The following SND1 variants were observed in gnomAD, a reference collection of about 807,000 sequenced individuals.
SND1 encodes staphylococcal nuclease domain-containing protein 1.
In SND1, 38 loss-of-function variants were observed where a neutral mutation model predicts 121.7. The observed-to-expected ratio is 0.31, with a 90% CI of 0.24 to 0.41. The LOEUF (loss-of-function observed/expected upper bound fraction) is 0.41, where lower values mean the gene tolerates loss of function less well. Among genes scored for constraint, SND1 ranks in the 10% least tolerant of loss-of-function variants. SND1 has a pLI of 1.00. For missense variants in SND1, 868 were observed against 1,184.6 expected (o/e 0.73, Z 3.92); for synonymous variants, 401 against 447.4 (o/e 0.90, Z 1.31).
At chr7:127,844,869 G>C (rs748051194) in intron 12 of SND1, among the ~76,000 whole-genome samples, 7 of 152,160 alleles carry the variant, frequency 4.6e-5, no homozygotes, top group Non-Finnish European at 7.3e-5. Context: ...CTATTCTGCT[G>C]TACTGGCTGT....
chr7:127,759,027 C>T (rs1232818822), intron 10 of SND1, among the ~76,000 whole-genome samples: 1 of 151,146 alleles, frequency 6.6e-6, no homozygotes, highest in African/African-American at 2.4e-5. Context: ...GCACTCTGGC[C>T]TGGGCGACAT....
chr7:127,973,509 C>T (rs911298437), intron 15 of SND1, among the ~76,000 whole-genome samples: 3 of 152,134 alleles, frequency 2.0e-5, no homozygotes, highest in Non-Finnish European at 4.4e-5. Context: ...GCAAACAAAG[C>T]AGCCAAGCCA....
chr7:127,775,163 G>A (rs1251365205), intron 10 of SND1, among the ~76,000 whole-genome samples: 2 of 152,182 alleles, frequency 1.3e-5, no homozygotes, highest in East Asian at 1.9e-4. Flanking sequence ...AACAAGGACC[G>A]GAAGCTCGGA....
intron 16 of SND1, among the ~76,000 whole-genome samples, chr7:128,059,974 G>A (rs543436992): frequency 6.6e-6 from 1 of 152,344 alleles, no homozygotes; most frequent in African/African-American, 2.4e-5. Context: ...AGAGGTAATG[G>A]ATTACCAAGA....
chr7:127,689,407 A>C (rs2116313213), intron 2 of SND1, among the ~76,000 whole-genome samples: 1 of 152,354 alleles, frequency 6.6e-6, no homozygotes, highest in East Asian at 1.9e-4. Flanking sequence ...CTTGGAGCTG[A>C]CCAAGTTCAT....
chr7:128,000,032 T>C (rs1802783730), intron 16 of SND1: 1 of 139,236 alleles, frequency 7.2e-6, no homozygotes, highest in African/African-American at 2.8e-5. Flanking sequence ...ACCTCTGTAA[T>C]CATCCTGAAT....
At chr7:127,930,249 G>T (rs1299378487) in intron 15 of SND1, among the ~76,000 whole-genome samples, 1 of 151,832 alleles carries the variant, frequency 6.6e-6, no homozygotes, top group Non-Finnish European at 1.5e-5. Flanking sequence ...CTAGTGTCCT[G>T]TTGTCTCAGC....
intron 10 of SND1, among the ~76,000 whole-genome samples, chr7:127,736,234 CTT>C (rs1336789768): frequency 6.6e-6 from 1 of 152,174 alleles, no homozygotes; most frequent in Non-Finnish European, 1.5e-5. Flanking sequence ...GACATAATCA[CTT>C]TATAAATTTG....
In SND1 at chr7:128,052,993, TAA is replaced by T. The variant is rs1269404775; in HGVS notation, c.1780-21507_1780-21506del. On this transcript the variant is annotated intron_variant, in intron 16 of 23. Coordinates refer to ENST00000354725, the MANE Select transcript of SND1 (RefSeq NM_014390.4). This position sits in a 1 kb window ranked among gnomAD's most constrained non-coding sequence, Gnocchi z 4.6. ...AACTGGTTGGTATAAAAATAGAGCA[TAA>T]ATCAAATGCATTGAATAAAAAAATT... 2.0e-5 allele frequency among the ~76,000 whole-genome samples: 3 copies of T among 152,196 alleles called. No individual in the cohort carries two copies. Among genetic ancestry groups the T allele is most frequent in the African/African-American group, 7.2e-5 (3 of 41,454 alleles).
intron 16 of SND1, among the ~76,000 whole-genome samples, chr7:128,025,651 A>C: frequency 6.6e-6 from 1 of 152,198 alleles, no homozygotes; most frequent in South Asian, 2.1e-4. Flanking sequence ...AGCTGTCCCA[A>C]GTGCCTGCTA....
intron 8 of SND1, 22 bp from the exon 9 acceptor site, chr7:127,707,535 T>G (rs1440272577): frequency 6.2e-7 from 1 of 1,608,616 alleles, no homozygotes; most frequent in Non-Finnish European, 8.5e-7. Context: ...TGAATGATCT[T>G]GCATCCTTGC....
chr7:127,868,373 A>G (rs1799517662), intron 12 of SND1, among the ~76,000 whole-genome samples: 1 of 152,240 alleles, frequency 6.6e-6, no homozygotes, highest in Non-Finnish European at 1.5e-5. Flanking sequence ...TGACAGAACC[A>G]GACACTGCCA....
chr7:127,741,128 A>G lies in SND1; in HGVS notation c.1152+19728A>G, dbSNP rs571152943. On this transcript the variant is annotated intron_variant, in intron 10 of 23. Coordinates refer to ENST00000354725, the MANE Select transcript of SND1 (RefSeq NM_014390.4). ...GTGTCTGACTTCTCTTCTCTGTCCTATAGTTTGTGCCAGTAGTTTCCTTAA... is the reference window on the plus strand; with the variant it reads ...GTGTCTGACTTCTCTTCTCTGTCCTGTAGTTTGTGCCAGTAGTTTCCTTAA... Among the ~76,000 whole-genome samples, 59 of 152,114 alleles carry G rather than the reference A, an allele frequency of 3.9e-4. 1 individual carries two copies. The highest frequency in any genetic ancestry group is 4.4e-4 in the Non-Finnish European group (30 of 68,020).
intron 9 of SND1, among the ~76,000 whole-genome samples, chr7:127,709,481 GT>G (rs1796261969): frequency 2.0e-5 from 3 of 152,168 alleles, no homozygotes; most frequent in Admixed American, 6.5e-5. Flanking sequence ...ATTTTGAAGA[GT>G]TTTGGGCCTT....
At chr7:127,823,861 T>C (rs1363388113) in intron 11 of SND1, among the ~76,000 whole-genome samples, 1 of 152,238 alleles carries the variant, frequency 6.6e-6, no homozygotes, top group Non-Finnish European at 1.5e-5. Flanking sequence ...AGTGAGTTTA[T>C]TTCTAATCCC....
At chr7:127,937,402 G>A (rs940485625) in intron 15 of SND1, among the ~76,000 whole-genome samples, 1 of 151,966 alleles carries the variant, frequency 6.6e-6, no homozygotes, top group African/African-American at 2.4e-5. Flanking sequence ...CTGCCCTTTA[G>A]CATTTTTCTT....
intron 17 of SND1, among the ~76,000 whole-genome samples, chr7:128,075,018 C>T (rs1462238101): frequency 6.6e-6 from 1 of 152,186 alleles, no homozygotes; most frequent in Non-Finnish European, 1.5e-5. Flanking sequence ...CCCGGGGCGC[C>T]CCTCCCTCCC....
chr7:127,741,030 C>G (rs1796873141), intron 10 of SND1, among the ~76,000 whole-genome samples: 1 of 152,196 alleles, frequency 6.6e-6, no homozygotes, highest in Non-Finnish European at 1.5e-5. Context: ...CTGGAAAGCT[C>G]TTTCCTTGAA....
At chr7:127,936,890 T>C (rs1446685202) in intron 15 of SND1, among the ~76,000 whole-genome samples, 3 of 152,192 alleles carry the variant, frequency 2.0e-5, no homozygotes, top group African/African-American at 7.2e-5. Context: ...GGAGTATTTG[T>C]CTTATTACTA....
Sources: gnomAD v4.1 joint callset for allele counts (sites outside exome capture counted in the v4.1 genomes callset) on GRCh38, gnomAD v4.1.1 for gene constraint, Gnocchi (gnomAD v3.1) non-coding constraint, MANE v1.5 for transcripts, NCBI Gene and HGNC (gene_info 2026-07-23, HGNC 2026-07-21) for gene names.